ICA1: variants seen among roughly 807,000 people sequenced by gnomAD.
ICA1 encodes 69 kDa islet cell autoantigen.
In ICA1, 40 loss-of-function variants were observed where a neutral mutation model predicts 71.0. The observed-to-expected ratio is 0.56, with a 90% CI of 0.44 to 0.73. ICA1 has a LOEUF of 0.73. Among genes scored for constraint, ICA1 ranks in the 30% least tolerant of loss-of-function variants. The pLI, the probability that ICA1 is intolerant of heterozygous loss-of-function variation, is 0.00. For missense variants in ICA1, 578 were observed against 576.5 expected (o/e 1.00, Z -0.03); for synonymous variants, 207 against 209.5 (o/e 0.99, Z 0.10).
chr7:8,143,798 C>T (rs887655530), intron 9 of ICA1, 77 bp downstream of exon 9: 2 of 896,372 alleles, frequency 2.2e-6, no homozygotes, highest in South Asian at 1.4e-5. Flanking sequence ...TGAGGCCCAG[C>T]CAGGTTCGGT....
intron 13 of ICA1, among the ~76,000 whole-genome samples, chr7:8,118,946 A>G (rs539657481): frequency 3.4e-4 from 52 of 152,372 alleles, no homozygotes; most frequent in African/African-American, 1.2e-3. Context: ...CCCTGCAGGT[A>G]GAGCCCGGGA....
At chr7:8,133,916 T>C (rs952521486) in intron 12 of ICA1, among the ~76,000 whole-genome samples, 1 of 147,020 alleles carries the variant, frequency 6.8e-6, no homozygotes, top group Non-Finnish European at 1.5e-5. Context: ...ACTTTACAGA[T>C]AAGGAAAAAG....
At chr7:8,124,990 T>C (rs1788606719) in intron 13 of ICA1, among the ~76,000 whole-genome samples, 1 of 152,120 alleles carries the variant, frequency 6.6e-6, no homozygotes, top group Non-Finnish European at 1.5e-5. Flanking sequence ...AGTTTCACCA[T>C]GTTGGCCAGG....
intron 13 of ICA1, among the ~76,000 whole-genome samples, chr7:8,121,003 C>T (rs946974958): frequency 3.3e-5 from 5 of 152,200 alleles, no homozygotes; most frequent in African/African-American, 1.2e-4. Context: ...CCACAGTTCC[C>T]CCTCAGGCCT....
chr7:8,219,944 T>A (rs977277658), intron 5 of ICA1, among the ~76,000 whole-genome samples: 1 of 152,240 alleles, frequency 6.6e-6, no homozygotes, highest in South Asian at 2.1e-4. Context: ...AATATTTTTT[T>A]AGGAATCAAT....
chr7:8,215,752 A>T (rs1795205667), intron 6 of ICA1, among the ~76,000 whole-genome samples: 1 of 152,218 alleles, frequency 6.6e-6, no homozygotes, highest in African/African-American at 2.4e-5. Flanking sequence ...TTTATAGCAA[A>T]ATACTACTTT....
At chr7:8,248,388 G>C (rs1218591964) in intron 1 of ICA1, among the ~76,000 whole-genome samples, 2 of 152,214 alleles carry the variant, frequency 1.3e-5, no homozygotes, top group East Asian at 3.9e-4. Flanking sequence ...GAGCTCTTCA[G>C]TTCTTTGGGA....
intron 1 of ICA1, among the ~76,000 whole-genome samples, chr7:8,239,061 G>A (rs1219429260): frequency 6.6e-6 from 1 of 152,198 alleles, no homozygotes; most frequent in Non-Finnish European, 1.5e-5. Context: ...AGGCACAGGA[G>A]CAAAGGAATC....
chr7:8,254,294 T>C (rs369811859), intron 1 of ICA1, among the ~76,000 whole-genome samples: 40 of 152,142 alleles, frequency 2.6e-4, no homozygotes, highest in African/African-American at 9.6e-4. Flanking sequence ...ATGGCACATA[T>C]TCCAGAACTT....
At chr7:8,139,829 T>C (rs1030982402) in intron 10 of ICA1, among the ~76,000 whole-genome samples, 1 of 152,214 alleles carries the variant, frequency 6.6e-6, no homozygotes, top group African/African-American at 2.4e-5. Flanking sequence ...CCAAAAACTA[T>C]TCTAAACAAT....
rs1405303479 is a variant in ICA1 at position 8,173,102 on chromosome 7, A to G, written c.580-14450T>C. On this transcript the variant is annotated intron_variant, in intron 6 of 13. Coordinates refer to ENST00000402384, the MANE Select transcript of ICA1 (RefSeq NM_001136020.3). The surrounding 1 kb of genome is among the most constrained non-coding windows in gnomAD (Gnocchi z 4.0). ...CATTTTCTGGCTCTGTTCACTGTAA[A>G]GGTCTACAAGTAACGGCTAACTTAG... Among the ~76,000 whole-genome samples the G allele has an allele frequency of 6.6e-6, 1 of 152,162 alleles. No homozygotes were observed. The highest frequency in any genetic ancestry group is 1.5e-5 in the Non-Finnish European group (1 of 68,022).
intron 6 of ICA1, among the ~76,000 whole-genome samples, chr7:8,210,682 T>C (rs1793426481): frequency 6.6e-6 from 1 of 152,012 alleles, no homozygotes; most frequent in Non-Finnish European, 1.5e-5. Flanking sequence ...AGGTGGGTTG[T>C]CTAACCATTA....
chr7:8,137,410 T>A (rs565866868), intron 12 of ICA1, among the ~76,000 whole-genome samples: 1 of 152,244 alleles, frequency 6.6e-6, no homozygotes, highest in Non-Finnish European at 1.5e-5. Flanking sequence ...TGTTTACTGG[T>A]AAGACTTGTT....
intron 1 of ICA1, among the ~76,000 whole-genome samples, chr7:8,244,506 T>A (rs942070232): frequency 6.6e-6 from 1 of 152,130 alleles, no homozygotes; most frequent in Non-Finnish European, 1.5e-5. Context: ...GGGCAAGGAC[T>A]TCATGACTAA....
chr7:8,230,361 A>G (rs1293565176), intron 3 of ICA1, among the ~76,000 whole-genome samples: 1 of 152,254 alleles, frequency 6.6e-6, no homozygotes. Context: ...TTCTTGGTTT[A>G]TAAGTTAGCC....
At chr7:8,152,220 C>T (rs1363525308) in intron 8 of ICA1, among the ~76,000 whole-genome samples, 2 of 152,014 alleles carry the variant, frequency 1.3e-5, no homozygotes, top group Non-Finnish European at 2.9e-5. Flanking sequence ...TCTGGCCAGA[C>T]CTCCTGTCCC....
In ICA1 at chr7:8,130,705, G is replaced by C. The variant is rs555842855; in HGVS notation, c.1061-2563C>G. Reference sequence around the variant, plus strand: ...TCCACTAAGTCAAACCCTCAGGGAGGCTTCACTACTTTAGTACAGATGTCT... The same window carrying C: ...TCCACTAAGTCAAACCCTCAGGGAGCCTTCACTACTTTAGTACAGATGTCT... On this transcript the variant is annotated intron_variant, in intron 12 of 13. Transcript: ENST00000402384. This position sits in a 1 kb window ranked among gnomAD's most constrained non-coding sequence, Gnocchi z 4.2. Among the ~76,000 whole-genome samples the C allele has an allele frequency of 6.6e-6, 1 of 152,318 alleles. No homozygotes were observed. Among genetic ancestry groups the C allele is most frequent in the East Asian group, 1.9e-4 (1 of 5,188 alleles).
intron 6 of ICA1, among the ~76,000 whole-genome samples, chr7:8,183,454 G>T (rs1393645968): frequency 6.6e-6 from 1 of 152,170 alleles, no homozygotes; most frequent in Non-Finnish European, 1.5e-5. Flanking sequence ...GATATAGAAG[G>T]TTTTTGCAGA....
intron 4 of ICA1, 95 bp from the exon 5 acceptor site, chr7:8,221,493 G>T: frequency 7.2e-7 from 1 of 1,396,850 alleles, no homozygotes; most frequent in Non-Finnish European, 1.0e-6. Context: ...CTCTCTTCCA[G>T]AGGCGAAGAC....
Sources: allele counts gnomAD v4.1 joint callset (sites outside exome capture counted in the v4.1 genomes callset), GRCh38; gene constraint gnomAD v4.1.1; non-coding constraint Gnocchi (gnomAD v3.1); transcripts MANE v1.5; gene names NCBI Gene and HGNC (gene_info 2026-07-23, HGNC 2026-07-21).